The following CD38 variants were observed in gnomAD, a reference collection of about 807,000 sequenced individuals.
CD38 encodes ADP-ribosyl cyclase/cyclic ADP-ribose hydrolase 1.
In CD38, 31 loss-of-function variants were observed where a neutral mutation model predicts 36.3. The observed-to-expected ratio is 0.85, with a 90% CI of 0.64 to 1.15. The LOEUF is 1.15. Ranked by LOEUF, CD38 falls within the 50% of genes most tolerant of loss-of-function variation. The probability of loss-of-function intolerance (pLI) is 0.00; values close to 1 mark genes in which losing one functional copy is unlikely to be tolerated. For synonymous variants in CD38, 131 were observed against 135.2 expected, an observed-to-expected ratio of 0.97 and a Z score of 0.22; for missense variants, 380 against 371.9, an observed-to-expected ratio of 1.02 and a Z score of -0.18.
intron 1 of CD38, among the ~76,000 whole-genome samples, chr4:15,791,273 G>A (rs1276235696): frequency 1.7e-5 from 1 of 58,896 alleles, no homozygotes; most frequent in African/African-American, 1.8e-4. Context: ...CCCTCTGCCC[G>A]GCCAGCCACC....
chr4:15,820,276 A>G (rs1348897542), intron 2 of CD38, among the ~76,000 whole-genome samples: 3 of 152,222 alleles, frequency 2.0e-5, no homozygotes, highest in Non-Finnish European at 4.4e-5. Context: ...CTATGAAGCA[A>G]CTACGTAAAC....
At chr4:15,785,335 A>C (rs1722791750) in intron 1 of CD38, among the ~76,000 whole-genome samples, 1 of 152,110 alleles carries the variant, frequency 6.6e-6, no homozygotes, top group African/African-American at 2.4e-5. Context: ...AGTGGATGAA[A>C]AGGCTCAGTG....
intron 1 of CD38, among the ~76,000 whole-genome samples, chr4:15,781,696 T>C (rs753825270): frequency 1.3e-5 from 2 of 152,224 alleles, no homozygotes; most frequent in Non-Finnish European, 2.9e-5. Context: ...ATCTAAAAAA[T>C]ACCTTCACAT....
chr4:15,795,298 C>T (rs1279623482), intron 1 of CD38, among the ~76,000 whole-genome samples: 1 of 151,748 alleles, frequency 6.6e-6, no homozygotes, highest in Non-Finnish European at 1.5e-5. Flanking sequence ...TGTAGTTGAT[C>T]TTAATAGGGA....
intron 1 of CD38, among the ~76,000 whole-genome samples, chr4:15,807,682 C>T (rs1338812755): frequency 1.3e-5 from 2 of 152,212 alleles, no homozygotes; most frequent in Non-Finnish European, 2.9e-5. Context: ...GAGGAGTGCT[C>T]TTGAGGGAAC....
At chr4:15,780,086 G>A (rs368266517) in intron 1 of CD38, among the ~76,000 whole-genome samples, 23 of 152,330 alleles carry the variant, frequency 1.5e-4, no homozygotes, top group Non-Finnish European at 2.6e-4. Context: ...GAAACATGAT[G>A]CAATGAAAAT....
chr4:15,815,085 G>A (rs1383447619), intron 1 of CD38, among the ~76,000 whole-genome samples: 3 of 152,196 alleles, frequency 2.0e-5, no homozygotes, highest in South Asian at 2.1e-4. Flanking sequence ...GATTACAGGC[G>A]TGAGCCACCG....
intron 3 of CD38, among the ~76,000 whole-genome samples, chr4:15,830,294 G>A (rs980540594): frequency 6.6e-6 from 1 of 152,130 alleles, no homozygotes. Context: ...TTTAGCTGGG[G>A]TGAGATGATA....
chr4:15,842,378 A>G (rs2148929244), intron 7 of CD38, among the ~76,000 whole-genome samples: 1 of 112,104 alleles, frequency 8.9e-6, no homozygotes, highest in East Asian at 2.6e-4. Flanking sequence ...ACTAACAACC[A>G]GAAAGGACAT....
chr4:15,834,227 T>C lies in CD38; in HGVS notation c.510T>C (p.Tyr170=). 2 of 1,605,912 alleles carry C rather than the reference T, an allele frequency of 1.2e-6. No homozygotes were observed. Among genetic ancestry groups the C allele is most frequent in the Non-Finnish European group, 8.5e-7 (1 of 1,172,542 alleles). ...CGEFNTSKIN[Y]QSCPDWRKDC... ...AACTATGTCTTTTAGAAATAAACTA[T>C]CAATCTTGCCCAGACTGGAGAAAGG... The change falls in exon 4 of 8, where the codon TAT becomes TAC. Residue 170 remains tyrosine, a synonymous_variant. Coordinates refer to ENST00000226279, the MANE Select transcript of CD38 (RefSeq NM_001775.4).
Position 15,838,136 on chromosome 4 carries a change from A to T in CD38, c.630A>T (p.Gly210=). The T allele has an allele frequency of 6.2e-7, 1 of 1,613,764 alleles. No individual in the cohort carries two copies. Among genetic ancestry groups the T allele is most frequent in the Non-Finnish European group, 8.5e-7 (1 of 1,179,852 alleles). ...ATGTGGTCCATGTGATGCTCAATGG[A>T]TCCCGCAGTAAAATCTTTGACAAAA... The part of the protein sequence containing the change: ...ACDVVHVMLN[G]SRSKIFDKNS... The change falls in exon 5 of 8, where the codon GGA becomes GGT. Residue 210 remains glycine (G), a synonymous_variant. Transcript: ENST00000226279.
At chr4:15,837,943 T>C (rs1724105918) in intron 4 of CD38, 149 bp from the exon 5 acceptor site, 4 of 639,260 alleles carry the variant, frequency 6.3e-6, no homozygotes, top group Non-Finnish European at 1.1e-5. Flanking sequence ...TGGCTTGGAA[T>C]AAAAATTGTG....
intron 1 of CD38, among the ~76,000 whole-genome samples, chr4:15,780,532 A>ACACACACACACACACACACACGCACG (rs1560303825): frequency 6.9e-6 from 1 of 145,632 alleles, no homozygotes; most frequent in African/African-American, 2.6e-5. Flanking sequence ...ACACACACAC[A>ACACACACACACACACACACACGCACG]CACACACACA....
In CD38 at chr4:15,816,614, G is replaced by A. The variant is rs941243908; in HGVS notation, c.337G>A (p.Gly113Arg). The change falls in exon 2 of 8, where the codon GGA becomes AGA. Residue 113 changes from glycine to arginine, a missense_variant. By Grantham distance (125) the Gly-to-Arg change is moderately radical. Coordinates refer to ENST00000226279, the MANE Select transcript of CD38 (RefSeq NM_001775.4). The part of the protein sequence containing the change: ...EEDYQPLMKL[G>R]TQTVPCNKIL... ...AGACTATCAGCCACTAATGAAGTTGGGAACTCAGACCGTACCTTGCAACAA... is the reference window on the plus strand; with the variant it reads ...AGACTATCAGCCACTAATGAAGTTGAGAACTCAGACCGTACCTTGCAACAA... 1.2e-6 allele frequency: 2 copies of A among 1,613,796 alleles called. No homozygotes were observed. Among genetic ancestry groups the A allele is most frequent in the African/African-American group, 2.7e-5 (2 of 74,892 alleles).
intron 1 of CD38, among the ~76,000 whole-genome samples, chr4:15,790,068 A>C (rs1722925366): frequency 6.6e-6 from 1 of 151,964 alleles, no homozygotes; most frequent in Admixed American, 6.6e-5. Flanking sequence ...AGGTAAAAGG[A>C]ACAGCATGTG....
intron 1 of CD38, among the ~76,000 whole-genome samples, chr4:15,802,582 A>G (rs1178110009): frequency 7.0e-6 from 1 of 143,090 alleles, no homozygotes; most frequent in African/African-American, 2.5e-5. Flanking sequence ...TTTTTGAGAC[A>G]GTCTCCCTCT....
In CD38 at chr4:15,778,749, G is replaced by A. The variant is rs969371112; in HGVS notation, c.233+102G>A. 8.3e-6 allele frequency: 7 copies of A among 844,192 alleles called. No individual in the cohort carries two copies. The African/African-American group carries it at 1.2e-4, about 14-fold the overall frequency. 52.3% of individuals were successfully genotyped at this position (844,192 alleles called of 1,614,324 possible). A position where few individuals can be genotyped will look rare whatever the true frequency, so the allele number is the denominator to read the frequency against. The stretch of plus-strand genomic sequence containing the variant: ...CGCCCGGAACCGGGCATCTTCCGTG[G>A]CGGGTCAGCCGAGAGCCCGCCGGGT... On this transcript the variant is annotated intron_variant, in intron 1 of 7. Transcript: ENST00000226279. This position sits in a 1 kb window ranked among gnomAD's most constrained non-coding sequence, Gnocchi z 4.9.
chr4:15,796,920 C>T (rs1394019827), intron 1 of CD38, among the ~76,000 whole-genome samples: 1 of 152,116 alleles, frequency 6.6e-6, no homozygotes, highest in Non-Finnish European at 1.5e-5. Context: ...ACATTACAGA[C>T]AATGCTGCAA....
chr4:15,824,926 C>T lies in CD38; in HGVS notation c.409C>T (p.Gln137Ter). ...RIKDLAHQFT[Q>*]VQRDMFTLED... is the part of the protein sequence containing the mutation. ...AAAAGATCTGGCCCATCAGTTCACA[C>T]AGGTCCAGCGGGACATGTTCACCCT... is the stretch of plus-strand genomic sequence containing the variant. Residue 137 changes from glutamine (Q) to a stop codon, truncating the protein, a stop_gained, in exon 3 of 8, where the codon CAG becomes TAG. Coordinates refer to ENST00000226279, the MANE Select transcript of CD38 (RefSeq NM_001775.4). LOFTEE classifies it high-confidence loss of function. The T allele has an allele frequency of 6.2e-7, 1 of 1,613,686 alleles. No individual in the cohort carries two copies. The highest frequency in any genetic ancestry group is 8.5e-7 in the Non-Finnish European group (1 of 1,179,662).
Sources: allele counts gnomAD v4.1 joint callset (sites outside exome capture counted in the v4.1 genomes callset), GRCh38; gene constraint gnomAD v4.1.1; non-coding constraint Gnocchi (gnomAD v3.1); transcripts MANE v1.5; gene names NCBI Gene and HGNC (gene_info 2026-07-23, HGNC 2026-07-21).